The following MSI2 variants were observed in gnomAD, a reference collection of about 807,000 sequenced individuals.
MSI2 encodes the protein musashi RNA binding protein 2, also known as RNA-binding protein Musashi homolog 2.
In MSI2, 17 loss-of-function variants were observed where a neutral mutation model predicts 45.6. That is an observed-to-expected ratio of 0.37 (90% CI 0.26 to 0.56). MSI2 has a LOEUF of 0.56. Ranked by LOEUF, MSI2 falls within the 20% of genes least tolerant of loss-of-function variation. The pLI, the probability that MSI2 is intolerant of heterozygous loss-of-function variation, is 0.77. For synonymous variants in MSI2, 156 were observed against 158.2 expected (o/e 0.99, Z 0.11); for missense variants, 293 against 444.2 (o/e 0.66, Z 3.06).
At chr17:57,318,064 G>A (rs770675092) in intron 5 of MSI2, among the ~76,000 whole-genome samples, 15 of 152,154 alleles carry the variant, frequency 9.9e-5, no homozygotes, top group Non-Finnish European at 1.6e-4. Flanking sequence ...CAGGAGAATC[G>A]CTTAAACCCA....
chr17:57,499,649 C>T (rs1421720593), intron 6 of MSI2, among the ~76,000 whole-genome samples: 7 of 152,114 alleles, frequency 4.6e-5, no homozygotes, highest in African/African-American at 7.2e-5. Context: ...TATTATTTCT[C>T]GTGGTTTCTG....
At chr17:57,537,896 A>C (rs2144107698) in intron 7 of MSI2, among the ~76,000 whole-genome samples, 1 of 152,244 alleles carries the variant, frequency 6.6e-6, no homozygotes, top group East Asian at 1.9e-4. Flanking sequence ...TACAAATCTT[A>C]AACTTCTTTC....
At chr17:57,563,956 G>A (rs1013930138) in intron 7 of MSI2, among the ~76,000 whole-genome samples, 1 of 152,178 alleles carries the variant, frequency 6.6e-6, no homozygotes, top group African/African-American at 2.4e-5. Context: ...CAGCCCACCT[G>A]AGCCAGAATG....
At chr17:57,495,254 C>T (rs1012919657) in intron 6 of MSI2, among the ~76,000 whole-genome samples, 5 of 152,064 alleles carry the variant, frequency 3.3e-5, no homozygotes, top group African/African-American at 9.7e-5. Flanking sequence ...TCATATGGGC[C>T]GGGCACGGTG....
chr17:57,699,841 C>G, the MSI2 span, among the ~76,000 whole-genome samples: 3 of 152,246 alleles, frequency 2.0e-5, no homozygotes, highest in Non-Finnish European at 4.4e-5. Flanking sequence ...GGCTGTCCTG[C>G]TGCCCTCGCC....
At chr17:57,325,725 A>C (rs766912945) in intron 5 of MSI2, among the ~76,000 whole-genome samples, 3 of 152,126 alleles carry the variant, frequency 2.0e-5, no homozygotes, top group Non-Finnish European at 4.4e-5. Context: ...CTGCCTGTCC[A>C]TTTACCAGGC....
At chr17:57,607,636 G>C (rs4793556) in intron 8 of MSI2, among the ~76,000 whole-genome samples, 107,903 of 152,152 alleles carry the variant, frequency 0.71, 38,843 homozygotes, top group African/African-American at 0.77. Flanking sequence ...TGGGAAGCCT[G>C]TCTGTGTTAG....
At chr17:57,357,267 C>T (rs1916493815) in intron 5 of MSI2, among the ~76,000 whole-genome samples, 1 of 152,190 alleles carries the variant, frequency 6.6e-6, no homozygotes, top group Non-Finnish European at 1.5e-5. Context: ...TACTTCTGAA[C>T]TTCTGGTCTC....
chr17:57,513,633 G>T (rs936297910), intron 6 of MSI2, among the ~76,000 whole-genome samples: 1 of 152,236 alleles, frequency 6.6e-6, no homozygotes, highest in Non-Finnish European at 1.5e-5. Context: ...GCCATCATTT[G>T]ATTTTAAATT....
intron 10 of MSI2, among the ~76,000 whole-genome samples, chr17:57,645,370 A>G (rs1910577758): frequency 6.6e-6 from 1 of 152,102 alleles, no homozygotes. Context: ...TGTGTGCCAT[A>G]AATTTACTTT....
intron 5 of MSI2, among the ~76,000 whole-genome samples, chr17:57,305,127 G>C (rs1464138663): frequency 6.6e-6 from 1 of 152,160 alleles, no homozygotes; most frequent in East Asian, 1.9e-4. Context: ...GTGATAGGTG[G>C]CCCCAGCCTT....
intron 7 of MSI2, among the ~76,000 whole-genome samples, chr17:57,575,229 GAA>G (rs1231779692): frequency 7.0e-6 from 1 of 141,868 alleles, no homozygotes; most frequent in Non-Finnish European, 1.5e-5. Flanking sequence ...CATGGACACT[GAA>G]GCTTATTCCT....
intron 6 of MSI2, among the ~76,000 whole-genome samples, chr17:57,468,162 A>G (rs991662166): frequency 2.0e-5 from 3 of 151,858 alleles, no homozygotes; most frequent in African/African-American, 7.3e-5. Flanking sequence ...CATCTGTAAA[A>G]TGGAGGAAAG....
At chr17:57,544,248 GC>G (rs2087115696) in intron 7 of MSI2, among the ~76,000 whole-genome samples, 1 of 152,188 alleles carries the variant, frequency 6.6e-6, no homozygotes, top group Non-Finnish European at 1.5e-5. Flanking sequence ...GAAGACACCT[GC>G]CCCTGTTTTA....
At chr17:57,336,306 A>G (rs1914687574) in intron 5 of MSI2, among the ~76,000 whole-genome samples, 3 of 152,270 alleles carry the variant, frequency 2.0e-5, no homozygotes, top group Non-Finnish European at 4.4e-5. Context: ...GCCTTTTCCT[A>G]TGATGGGAGA....
At chr17:57,671,178 A>G (rs992790712) in intron 11 of MSI2, among the ~76,000 whole-genome samples, 13 of 152,112 alleles carry the variant, frequency 8.5e-5, no homozygotes, top group Non-Finnish European at 1.8e-4. Context: ...GATCACCGCA[A>G]TGAGCCCCCA....
intron 5 of MSI2, among the ~76,000 whole-genome samples, chr17:57,389,171 G>A (rs1261386234): frequency 6.6e-6 from 1 of 151,592 alleles, no homozygotes; most frequent in Non-Finnish European, 1.5e-5. Flanking sequence ...TACAGACGGG[G>A]TTTCACCATA....
rs777738169 is a variant in MSI2, at chr17:57,675,111, C to G, written c.930C>G (p.Phe310Leu). The change falls in exon 12 of 14, where the codon TTC becomes TTG. Residue 310 changes from phenylalanine to leucine, a missense_variant. Physicochemically the swap from Phe to Leu is conservative, Grantham distance 22. Transcript: ENST00000284073. ...CCAGCCCACAGCCGGGCTCGGGCTTCGGCCACGGCATAGCTGTAAGTACCT... is the reference window on the plus strand; with the variant it reads ...CCAGCCCACAGCCGGGCTCGGGCTTGGGCCACGGCATAGCTGTAAGTACCT... ...SAASPQPGSG[F>L]GHGIAGPLIA... is the part of the protein sequence containing the mutation. The G allele has an allele frequency of 6.2e-7, 1 of 1,613,418 alleles. No individual in the cohort carries two copies.
chr17:57,267,649 C>G (rs1391175330), intron 5 of MSI2: 1 of 151,768 alleles, frequency 6.6e-6, no homozygotes, highest in Non-Finnish European at 1.5e-5. Flanking sequence ...CATCATCTCT[C>G]TCTTCCCGTT....
Sources: gnomAD v4.1 joint callset for allele counts (sites outside exome capture counted in the v4.1 genomes callset) on GRCh38, gnomAD v4.1.1 for gene constraint, MANE v1.5 for transcripts, NCBI Gene and HGNC (gene_info 2026-07-23, HGNC 2026-07-21) for gene names.